The following NOTCH4 variants were observed in gnomAD, a reference collection of about 807,000 sequenced individuals.
The protein encoded by NOTCH4 is neurogenic locus notch homolog protein 4.
Under a neutral mutation model 189.0 loss-of-function variants are expected in NOTCH4, and 138 were observed. The ratio of observed to expected loss-of-function variants is 0.73; its 90% CI spans 0.64 to 0.84. The LOEUF (loss-of-function observed/expected upper bound fraction) is 0.84. Among genes scored for constraint, NOTCH4 ranks in the 40% least tolerant of loss-of-function variants. NOTCH4 has a pLI of 0.00. For synonymous variants in NOTCH4, 942 were observed against 1,032.8 expected, an observed-to-expected ratio of 0.91 and a Z score of 1.69; for missense variants, 2,286 against 2,605.4, an observed-to-expected ratio of 0.88 and a Z score of 2.67.
Position 32,200,738 on chromosome 6 carries a change from G to T in NOTCH4, c.4315+93C>A. 2 of 1,076,814 alleles carry T rather than the reference G, an allele frequency of 1.9e-6. No homozygotes were observed. Among genetic ancestry groups the T allele is most frequent in the Non-Finnish European group, 2.6e-6 (2 of 762,860 alleles). The allele number at this position is 1,076,814 out of a possible 1,614,324, so 66.7% of individuals were successfully genotyped here. A position where few individuals can be genotyped will look rare whatever the true frequency, so the allele number is the denominator to read the frequency against. ...CCCACAAAGAACATTTTCAGTCTCAGCTGTCCTGTTTGATTCAGCCTCCAT... is the reference window on the plus strand; with the variant it reads ...CCCACAAAGAACATTTTCAGTCTCATCTGTCCTGTTTGATTCAGCCTCCAT... On this transcript the variant is annotated intron_variant, in intron 23 of 29. Transcript: ENST00000375023. The surrounding 1 kb of genome is among the most constrained non-coding windows in gnomAD (Gnocchi z 5.0).
chr6:32,202,133 C>T lies in NOTCH4; in HGVS notation c.3698G>A (p.Cys1233Tyr), dbSNP rs1248229402. The part of the protein sequence containing the change: ...LFRDGQCHPQ[C>Y]DSEECLFDGY... Reference sequence around the variant, plus strand: ...ATCAAACAGACACTCTTCAGAGTCACACTGTGGGTGGCACTGCCCGTCCCG... The same window carrying T: ...ATCAAACAGACACTCTTCAGAGTCATACTGTGGGTGGCACTGCCCGTCCCG... The change falls in exon 21 of 30, where the codon TGT becomes TAT. Residue 1233 changes from cysteine to tyrosine, a missense_variant. Physicochemically the swap from Cys to Tyr is radical, Grantham distance 194 (BLOSUM62 -2). This residue lies in a region of NOTCH4 where 1,903 missense variants were observed against 2,261.9 expected (regional missense o/e 0.84). Transcript: ENST00000375023. The surrounding 1 kb of genome is among the most constrained non-coding windows in gnomAD (Gnocchi z 5.7). 1 of 1,512,670 alleles carries T rather than the reference C, an allele frequency of 6.6e-7. No individual in the cohort carries two copies. Among genetic ancestry groups the T allele is most frequent in the Admixed American group, 2.3e-5 (1 of 44,200 alleles). The allele number at this position is 1,512,670 out of a possible 1,614,324, so 93.7% of individuals were successfully genotyped here. A position where few individuals can be genotyped will look rare whatever the true frequency, so the allele number is the denominator to read the frequency against.
rs2127486993 is a variant in NOTCH4 at position 32,220,402 on chromosome 6, T to C, written c.1159+3A>G. On this transcript the variant is annotated splice_donor_region_variant and intron_variant, in intron 6 of 29. Transcript: ENST00000375023. Reference sequence around the variant, plus strand: ...CACCTCCTGATACCCTCTACCCCCATACCTGTGCGTCCAGGTGGGCAGAGG... The same window carrying C: ...CACCTCCTGATACCCTCTACCCCCACACCTGTGCGTCCAGGTGGGCAGAGG... 6.2e-7 allele frequency: 1 copy of C among 1,613,572 alleles called. No individual in the cohort carries two copies. Among genetic ancestry groups the C allele is most frequent in the Non-Finnish European group, 8.5e-7 (1 of 1,179,532 alleles).
chr6:32,210,886 C>T lies in NOTCH4; in HGVS notation c.2731G>A (p.Gly911Ser), dbSNP rs144069425. Residue 911 changes from glycine (G) to serine (S), a missense_variant, in exon 18 of 30, where the codon GGC becomes AGC. By Grantham distance (56) the Gly-to-Ser change is moderately conservative. This residue lies in a region of NOTCH4 where 1,903 missense variants were observed against 2,261.9 expected (regional missense o/e 0.84). Transcript: ENST00000375023. The surrounding 1 kb of genome is among the most constrained non-coding windows in gnomAD (Gnocchi z 4.8). The part of the protein sequence containing the change: ...CHNGGLCVDS[G>S]PSYFCHCPPG... ...GGGCAGTGGCAGAAATAGGAGGGGCCGCTGTCGACACAGAGGCCTCCATTG... is the reference window on the plus strand; with the variant it reads ...GGGCAGTGGCAGAAATAGGAGGGGCTGCTGTCGACACAGAGGCCTCCATTG... 34 of 1,611,700 alleles carry T rather than the reference C, an allele frequency of 2.1e-5. 1 individual carries two copies. The highest frequency in any genetic ancestry group is 1.6e-4 in the African/African-American group (12 of 74,910).
Position 32,218,044 on chromosome 6 carries a change from G to C in NOTCH4, c.1575C>G (p.His525Gln). Residue 525 changes from histidine to glutamine, a missense_variant, in exon 9 of 30, where the codon CAC (histidine) becomes CAG (glutamine). This residue lies in a region of NOTCH4 where 1,903 missense variants were observed against 2,261.9 expected (regional missense o/e 0.84). Transcript: ENST00000375023. ...CGTTGAGCAGGTCATGGCAATCCGCGTGGTTCAGGCAGGGAGCTGAGGCAC... is the reference window on the plus strand; with the variant it reads ...CGTTGAGCAGGTCATGGCAATCCGCCTGGTTCAGGCAGGGAGCTGAGGCAC... ...NECASAPCLN[H>Q]ADCHDLLNGF... 2 of 1,614,032 alleles carry C rather than the reference G, an allele frequency of 1.2e-6. No individual in the cohort carries two copies. Among genetic ancestry groups the C allele is most frequent in the Non-Finnish European group, 1.7e-6 (2 of 1,179,972 alleles).
At chr6:32,211,655 G>T (rs2854047) in intron 17 of NOTCH4, among the ~76,000 whole-genome samples, 8,560 of 151,688 alleles carry the variant, frequency 0.056, 337 homozygotes, top group East Asian at 0.2. Context: ...GGTATGTGAG[G>T]AGGAGGAAGG....
Position 32,217,839 on chromosome 6 carries a change from G to A in NOTCH4, c.1624+156C>T, listed in dbSNP as rs1789511304. The stretch of plus-strand genomic sequence containing the variant: ...AGTAAGCAAGGGAAGATTTGGGGAT[G>A]TAAGAGTAGAGATTTTGGGGAGCAA... On this transcript the variant is annotated intron_variant, in intron 9 of 29. Transcript: ENST00000375023. The surrounding 1 kb of genome is among the most constrained non-coding windows in gnomAD (Gnocchi z 4.2). 6.6e-6 allele frequency among the ~76,000 whole-genome samples: 1 copy of A among 152,222 alleles called. No individual in the cohort carries two copies. Among genetic ancestry groups the A allele is most frequent in the South Asian group, 2.1e-4 (1 of 4,834 alleles).
intron 12 of NOTCH4, 124 bp downstream of exon 12, chr6:32,215,102 C>T: frequency 1.1e-6 from 1 of 911,000 alleles, no homozygotes; most frequent in Non-Finnish European, 1.6e-6. Flanking sequence ...AAGAACTTTG[C>T]CATCTCCTTC....
At position 32,220,212 on chromosome 6, in the gene NOTCH4, G is replaced by A. The variant is rs375281849; in HGVS notation, c.1232C>T (p.Pro411Leu). 1.2e-6 allele frequency: 2 copies of A among 1,613,842 alleles called. No homozygotes were observed. Among genetic ancestry groups the A allele is most frequent in the African/African-American group, 2.7e-5 (2 of 74,898 alleles). Residue 411 changes from proline (P) to leucine (L), a missense_variant, in exon 7 of 30, where the codon CCC becomes CTC. Coordinates refer to ENST00000375023, the MANE Select transcript of NOTCH4 (RefSeq NM_004557.4). Reference sequence around the variant, plus strand: ...CAGGCAGAGTGTGGAGCCTGTGAGGGGGTTGGTGCTGCATTGGGCATCCCC... The same window carrying A: ...CAGGCAGAGTGTGGAGCCTGTGAGGAGGTTGGTGCTGCATTGGGCATCCCC... The part of the protein sequence containing the change: ...CHGDAQCSTN[P>L]LTGSTLCLCQ...
In NOTCH4 at chr6:32,200,742, T is replaced by C; in HGVS notation, c.4315+89A>G. On this transcript the variant is annotated intron_variant, in intron 23 of 29. Transcript: ENST00000375023. This position sits in a 1 kb window ranked among gnomAD's most constrained non-coding sequence, Gnocchi z 5.0. ...CAAAGAACATTTTCAGTCTCAGCTG[T>C]CCTGTTTGATTCAGCCTCCATTGCC... 9.0e-7 allele frequency: 1 copy of C among 1,113,020 alleles called. No individual in the cohort carries two copies. The highest frequency in any genetic ancestry group is 1.3e-6 in the Non-Finnish European group (1 of 792,238). The allele number at this position is 1,113,020 out of a possible 1,614,324, so 68.9% of individuals were successfully genotyped here. A position where few individuals can be genotyped will look rare whatever the true frequency, so the allele number is the denominator to read the frequency against.
rs565456250 is a variant in NOTCH4 at position 32,200,835 on chromosome 6, C to A, written c.4311G>T (p.Gly1437=). ...AAGTGGCAAGGGGTCACCTACCGGT[C>A]CCTGCATGAGGGTGGACAGCCAGCA... The part of the protein sequence containing the change: ...GPLLAVHPHA[G]TAPPANQLPW... Residue 1437 remains glycine (G), a synonymous_variant, in exon 23 of 30, where the codon GGG becomes GGT. Transcript: ENST00000375023. This position sits in a 1 kb window ranked among gnomAD's most constrained non-coding sequence, Gnocchi z 5.0. 1.2e-6 allele frequency: 2 copies of A among 1,600,724 alleles called. No individual in the cohort carries two copies. The highest frequency in any genetic ancestry group is 1.7e-6 in the Non-Finnish European group (2 of 1,174,338).
chr6:32,216,830 A>T, intron 11 of NOTCH4, 115 bp downstream of exon 11: 1 of 1,225,362 alleles, frequency 8.2e-7, no homozygotes, highest in South Asian at 1.2e-5. Context: ...TTTAAAGGAT[A>T]CCATTCTCAT....
chr6:32,197,230 G>C, intron 27 of NOTCH4, 69 bp downstream of exon 27: 1 of 1,515,930 alleles, frequency 6.6e-7, no homozygotes. Flanking sequence ...CAAACTCTAG[G>C]GGATGCTTCT....
rs1427780003 is a variant in NOTCH4, at chr6:32,223,045, C to T, written c.115G>A (p.Gly39Ser). ...GSFPEPCANGGTCLSLSLGQG... is the reference protein window; with the variant it reads ...GSFPEPCANGSTCLSLSLGQG... ...CCCAGAGACAGGCTCAGGCAGGTGC[C>T]TCCATTGGCACAGGGTTCTGGGAAA... Residue 39 changes from glycine to serine, a missense_variant, in exon 2 of 30, where the codon GGC becomes AGC. By Grantham distance (56) the Gly-to-Ser change is moderately conservative. Coordinates refer to ENST00000375023, the MANE Select transcript of NOTCH4 (RefSeq NM_004557.4). The T allele has an allele frequency of 1.2e-6, 2 of 1,614,030 alleles. No homozygotes were observed. The highest frequency in any genetic ancestry group is 2.2e-5 in the South Asian group (2 of 91,078).
In NOTCH4 at chr6:32,200,835, C is replaced by G. The variant is rs565456250; in HGVS notation, c.4311G>C (p.Gly1437=). 1.2e-6 allele frequency: 2 copies of G among 1,600,724 alleles called. No individual in the cohort carries two copies. The highest frequency in any genetic ancestry group is 2.7e-5 in the African/African-American group (2 of 74,520). ...GPLLAVHPHA[G]TAPPANQLPW... ...AAGTGGCAAGGGGTCACCTACCGGT[C>G]CCTGCATGAGGGTGGACAGCCAGCA... The change falls in exon 23 of 30, where the codon GGG becomes GGC. Residue 1437 remains glycine (G), a synonymous_variant. Coordinates refer to ENST00000375023, the MANE Select transcript of NOTCH4 (RefSeq NM_004557.4). This position sits in a 1 kb window ranked among gnomAD's most constrained non-coding sequence, Gnocchi z 5.0.
chr6:32,220,863 T>C lies in NOTCH4; in HGVS notation c.815A>G (p.Asp272Gly), dbSNP rs520692. Residue 272 changes from aspartate (D) to glycine (G), a missense_variant, in exon 5 of 30, where the codon GAC becomes GGC. Transcript: ENST00000375023. ...CLCPPGFIGP[D>G]CEVNPDNCVS... is the part of the protein sequence containing the mutation. ...ACAGTTGTCTGGATTCACCTCACAG[T>C]CTGGGCCTATGAAACCTGACAGGGT... 486,035 of 1,613,300 alleles carry C rather than the reference T, an allele frequency of 0.3. 76,302 individuals are homozygous for C. Among genetic ancestry groups the C allele is most frequent in the Middle Eastern group, 0.4 (2,406 of 6,058 alleles).
At chr6:32,213,040 G>C in intron 15 of NOTCH4, 95 bp downstream of exon 15, 1 of 1,258,574 alleles carries the variant, frequency 7.9e-7, no homozygotes, top group Non-Finnish European at 1.1e-6. Context: ...CGAGGTGTGG[G>C]GTGGGAGGCA....
At chr6:32,211,749 C>T (rs1463717953) in intron 17 of NOTCH4, among the ~76,000 whole-genome samples, 1 of 152,150 alleles carries the variant, frequency 6.6e-6, no homozygotes, top group Non-Finnish European at 1.5e-5. Flanking sequence ...GGTCTGGGCC[C>T]AAGGAGTTAA....
chr6:32,198,706 A>G lies in NOTCH4; in HGVS notation c.4560T>C (p.Val1520=), dbSNP rs201839708. ...GLKALKPKAE[V]DEDGVVMCSG... ...AGCACATCACAACTCCATCCTCATCAACTTCTGCCTTTGGCTTCAGTGCCC... is the reference window on the plus strand; with the variant it reads ...AGCACATCACAACTCCATCCTCATCGACTTCTGCCTTTGGCTTCAGTGCCC... Residue 1520 remains valine, a synonymous_variant, in exon 25 of 30, where the codon GTT becomes GTC. Coordinates refer to ENST00000375023, the MANE Select transcript of NOTCH4 (RefSeq NM_004557.4). The surrounding 1 kb of genome is among the most constrained non-coding windows in gnomAD (Gnocchi z 5.5). 3.1e-4 allele frequency: 497 copies of G among 1,612,260 alleles called. 1 individual carries two copies. The highest frequency in any genetic ancestry group is 4.5e-4 in the Admixed American group (27 of 59,866).
Position 32,217,297 on chromosome 6 carries a change from G to A in NOTCH4, c.1625-31C>T. The A allele has an allele frequency of 6.8e-7, 1 of 1,465,126 alleles. No individual in the cohort carries two copies. Among genetic ancestry groups the A allele is most frequent in the Non-Finnish European group, 9.6e-7 (1 of 1,046,676 alleles). 90.8% of individuals were successfully genotyped at this position (1,465,126 alleles called of 1,614,324 possible). ...GGGGCGGAAGTGGGTGGGGAGAGGA[G>A]GCCAAGGTCATCGAGGGAGGCACAG... On this transcript the variant is annotated intron_variant, in intron 9 of 29. Transcript: ENST00000375023. The surrounding 1 kb of genome is among the most constrained non-coding windows in gnomAD (Gnocchi z 4.2).
Sources: allele counts gnomAD v4.1 joint callset (sites outside exome capture counted in the v4.1 genomes callset), GRCh38; gene constraint gnomAD v4.1.1; regional missense constraint gnomAD v4.1.1; non-coding constraint Gnocchi (gnomAD v3.1); transcripts MANE v1.5; gene names NCBI Gene and HGNC (gene_info 2026-07-23, HGNC 2026-07-21).